The following CYP2C19 variants were observed in gnomAD, a reference collection of about 807,000 sequenced individuals.
CYP2C19 encodes cytochrome P450 family 2 subfamily C member 19, also known as cytochrome P450 2C19.
CYP2C19 carries 59 observed loss-of-function variants against 40.9 expected under a neutral mutation model. The observed-to-expected ratio is 1.44, with a 90% CI of 1.17 to 1.79. CYP2C19 has a LOEUF of 1.79. Among genes scored for constraint, CYP2C19 ranks in the 40% most tolerant of loss-of-function variants. CYP2C19 has a pLI of 0.00. For missense variants in CYP2C19, 754 were observed against 596.9 expected, an observed-to-expected ratio of 1.26 and a Z score of -2.74; for synonymous variants, 253 against 208.7, an observed-to-expected ratio of 1.21 and a Z score of -1.83.
intron 5 of CYP2C19, among the ~76,000 whole-genome samples, chr10:94,817,753 C>G (rs1217132222): frequency 6.6e-6 from 1 of 152,102 alleles, no homozygotes; most frequent in Non-Finnish European, 1.5e-5. Context: ...GTGGCTCACA[C>G]CTGTAATCCC....
At position 94,853,202 on chromosome 10, in the gene CYP2C19, A is replaced by G. The variant is rs1279182968; in HGVS notation, c.*288A>G. On this transcript the variant is annotated 3_prime_UTR_variant, in exon 9 of 9. Transcript: ENST00000371321. ...AATAGAGAAAGATGATTTGTGTATT[A>G]TAATTCAAAGGCATTTCTTCTCTGC... The G allele has an allele frequency of 9.8e-6, 4 of 409,492 alleles. No homozygotes were observed. The highest frequency in any genetic ancestry group is 1.7e-5 in the Non-Finnish European group (4 of 231,592). 25.4% of individuals were successfully genotyped at this position (409,492 alleles called of 1,614,324 possible). A position where few individuals can be genotyped will look rare whatever the true frequency, so the allele number is the denominator to read the frequency against.
rs559628884 is a variant in CYP2C19 at position 94,820,507 on chromosome 10, C to G, written c.831C>G (p.Asn277Lys). 1.2e-6 allele frequency: 2 copies of G among 1,614,066 alleles called. No individual in the cohort carries two copies. Among genetic ancestry groups the G allele is most frequent in the Non-Finnish European group, 1.7e-6 (2 of 1,180,000 alleles). ...CAAATCATTCCTAGGAAAAGCAAAA[C>G]CAACAGTCTGAATTCACTATTGAAA... ...FLIKMEKEKQ[N>K]QQSEFTIENL... Residue 277 changes from asparagine to lysine, a missense_variant, in exon 6 of 9, where the codon AAC (asparagine) becomes AAG (lysine). By Grantham distance (94) the Asn-to-Lys change is moderately conservative. Transcript: ENST00000371321.
intron 5 of CYP2C19, among the ~76,000 whole-genome samples, chr10:94,805,847 T>C (rs1229703297): frequency 6.6e-6 from 1 of 152,228 alleles, no homozygotes; most frequent in African/African-American, 2.4e-5. Context: ...AGTTGGCCTA[T>C]CACATTCTTT....
chr10:94,797,846 T>A (rs1196904421), intron 5 of CYP2C19, among the ~76,000 whole-genome samples: 1 of 152,132 alleles, frequency 6.6e-6, no homozygotes, highest in Non-Finnish European at 1.5e-5. Context: ...ATCCCCTTTA[T>A]CATTTTTTAT....
At chr10:94,815,939 A>G (rs1848995365) in intron 5 of CYP2C19, among the ~76,000 whole-genome samples, 3 of 152,210 alleles carry the variant, frequency 2.0e-5, no homozygotes, top group Admixed American at 6.5e-5. Context: ...ATCTAATGAT[A>G]TGGCCCTAAT....
intron 5 of CYP2C19, among the ~76,000 whole-genome samples, chr10:94,805,969 G>A (rs1848829478): frequency 6.6e-6 from 1 of 152,134 alleles, no homozygotes; most frequent in African/African-American, 2.4e-5. Context: ...GGAATGGCTT[G>A]CCCAAAGAGA....
chr10:94,803,348 A>C (rs1019437595), intron 5 of CYP2C19, among the ~76,000 whole-genome samples: 9 of 151,940 alleles, frequency 5.9e-5, no homozygotes, highest in Non-Finnish European at 1.3e-4. Flanking sequence ...TTCTGTGGGT[A>C]GTTTTATATC....
chr10:94,798,814 ATT>A (rs61240923), intron 5 of CYP2C19, among the ~76,000 whole-genome samples: 3,403 of 67,558 alleles, frequency 0.05, 103 homozygotes, highest in African/African-American at 0.15. Flanking sequence ...GCAACCCCTG[ATT>A]TTTTTTTTTT....
chr10:94,820,427 T>C lies in CYP2C19; in HGVS notation c.820-69T>C, dbSNP rs771698031. 18 of 1,557,744 alleles carry C rather than the reference T, an allele frequency of 1.2e-5. No homozygotes were observed. The Admixed American group carries it at 2.5e-4, about 22-fold the overall frequency. On this transcript the variant is annotated intron_variant, in intron 5 of 8. Transcript: ENST00000371321. Reference sequence around the variant, plus strand: ...GTTGGTAAGTATACAATGTGAGTAATTTTGAATTTACTGTCATCAAATATG... The same window carrying C: ...GTTGGTAAGTATACAATGTGAGTAACTTTGAATTTACTGTCATCAAATATG...
chr10:94,792,394 T>C (rs1848616488), intron 5 of CYP2C19, among the ~76,000 whole-genome samples: 1 of 152,168 alleles, frequency 6.6e-6, no homozygotes, highest in African/African-American at 2.4e-5. Flanking sequence ...GATCCTGTCA[T>C]TATGATGTTA....
intron 3 of CYP2C19, among the ~76,000 whole-genome samples, chr10:94,779,804 C>T (rs189196673): frequency 6.6e-6 from 1 of 152,244 alleles, no homozygotes; most frequent in South Asian, 2.1e-4. Flanking sequence ...AGGTGATCCA[C>T]CTGCCTTGGC....
intron 1 of CYP2C19, chr10:94,774,622 G>C (rs1004484126): frequency 5.5e-5 from 10 of 180,904 alleles, no homozygotes; most frequent in African/African-American, 2.4e-4. Flanking sequence ...GAAATTGTTA[G>C]TTCTTGAAGC....
chr10:94,802,503 A>T (rs1848780773), intron 5 of CYP2C19, among the ~76,000 whole-genome samples: 1 of 152,052 alleles, frequency 6.6e-6, no homozygotes. Flanking sequence ...GGTCTCCTGA[A>T]TACAGCACAC....
intron 5 of CYP2C19, among the ~76,000 whole-genome samples, chr10:94,810,240 A>T (rs753665227): frequency 2.6e-5 from 4 of 152,138 alleles, no homozygotes; most frequent in Non-Finnish European, 5.9e-5. Flanking sequence ...AGCCAACTTG[A>T]TCGTGGTGGA....
chr10:94,805,708 ACCC>A (rs916852444), intron 5 of CYP2C19, among the ~76,000 whole-genome samples: 1 of 152,088 alleles, frequency 6.6e-6, no homozygotes, highest in African/African-American at 2.4e-5. Context: ...ACATGGTGAA[ACCC>A]TGTCTCTACC....
intron 1 of CYP2C19, among the ~76,000 whole-genome samples, chr10:94,767,344 G>T (rs1022101599): frequency 6.6e-6 from 1 of 152,142 alleles, no homozygotes; most frequent in South Asian, 2.1e-4. Flanking sequence ...GGCTTTAAAA[G>T]CCAGACCATT....
chr10:94,816,798 A>T (rs1849011986), intron 5 of CYP2C19, among the ~76,000 whole-genome samples: 3 of 147,588 alleles, frequency 2.0e-5, no homozygotes, highest in Non-Finnish European at 4.5e-5. Context: ...CTCATTGTTC[A>T]ATTCCCACCT....
intron 6 of CYP2C19, among the ~76,000 whole-genome samples, chr10:94,840,414 G>A (rs934220288): frequency 1.3e-5 from 2 of 152,068 alleles, no homozygotes; most frequent in Non-Finnish European, 2.9e-5. Context: ...AGGGATACCA[G>A]GGATAAGACT....
chr10:94,817,119 G>C (rs1401387355), intron 5 of CYP2C19, among the ~76,000 whole-genome samples: 1 of 146,720 alleles, frequency 6.8e-6, no homozygotes, highest in Non-Finnish European at 1.5e-5. Context: ...GGGTCAAATG[G>C]TATTTCTAAT....
Sources: allele counts gnomAD v4.1 joint callset (sites outside exome capture counted in the v4.1 genomes callset), GRCh38; gene constraint gnomAD v4.1.1; transcripts MANE v1.5; gene names NCBI Gene and HGNC (gene_info 2026-07-23, HGNC 2026-07-21).